The following PLS1 variants were observed in gnomAD, a reference collection of about 807,000 sequenced individuals.
The protein encoded by PLS1 is plastin 1.
PLS1 carries 32 observed loss-of-function variants against 73.7 expected under a neutral mutation model. The ratio of observed to expected loss-of-function variants is 0.43; its 90% CI spans 0.33 to 0.58. The LOEUF is 0.58. Among genes scored for constraint, PLS1 ranks in the 20% least tolerant of loss-of-function variants. PLS1 has a pLI of 0.04. For synonymous variants in PLS1, 217 were observed against 261.3 expected (o/e 0.83, Z 1.63); for missense variants, 633 against 740.5 (o/e 0.85, Z 1.68).
At position 142,624,139 on chromosome 3, in the gene PLS1, T is replaced by C. The variant is rs557910514; in HGVS notation, c.-37+27630T>C. Reference sequence around the variant, plus strand: ...TACTAGGAATGTGTAAGATTCTGTTTAAGCATCTGGAGTCTGAAGAAAATA... The same window carrying C: ...TACTAGGAATGTGTAAGATTCTGTTCAAGCATCTGGAGTCTGAAGAAAATA... On this transcript the variant is annotated intron_variant, in intron 1 of 15. Coordinates refer to ENST00000457734, the MANE Select transcript of PLS1 (RefSeq NM_001145319.2). Among the ~76,000 whole-genome samples the C allele has an allele frequency of 1.1e-4, 16 of 152,348 alleles. No homozygotes were observed. In the East Asian group the frequency reaches 2.9e-3, roughly 28 times the overall value.
rs571706294 is a variant in PLS1 at position 142,676,606 on chromosome 3, G to A, written c.497+317G>A. On this transcript the variant is annotated intron_variant, in intron 5 of 15. Transcript: ENST00000457734. ...TTTCTCTTTTCTTTTTCCAGTAAGC[G>A]AGTATTGATTATTGACTGGAATGGG... is the stretch of plus-strand genomic sequence containing the variant. Among the ~76,000 whole-genome samples the A allele has an allele frequency of 7.2e-5, 11 of 152,230 alleles. No homozygotes were observed. In the South Asian group the frequency reaches 2.3e-3, roughly 32 times the overall value.
intron 1 of PLS1, among the ~76,000 whole-genome samples, chr3:142,613,037 A>T (rs1327833703): frequency 6.6e-6 from 1 of 151,352 alleles, no homozygotes; most frequent in Non-Finnish European, 1.5e-5. Context: ...AAGTGCTGGG[A>T]TTACAGGCGT....
chr3:142,603,922 G>A (rs1436653479), intron 1 of PLS1, among the ~76,000 whole-genome samples: 1 of 152,106 alleles, frequency 6.6e-6, no homozygotes, highest in Non-Finnish European at 1.5e-5. Flanking sequence ...TAAGGTAGAA[G>A]GTGTCTGAGG....
chr3:142,698,846 T>C (rs142989627), intron 12 of PLS1, among the ~76,000 whole-genome samples: 1 of 151,996 alleles, frequency 6.6e-6, no homozygotes, highest in African/African-American at 2.4e-5. Context: ...GATGAAAAAA[T>C]CAGAAAGACA....
intron 11 of PLS1, among the ~76,000 whole-genome samples, chr3:142,696,633 G>C (rs1344600287): frequency 6.6e-6 from 1 of 151,398 alleles, no homozygotes; most frequent in Non-Finnish European, 1.5e-5. Context: ...ATTAGTCCTA[G>C]AGTTTTTCTA....
In PLS1 at chr3:142,608,807, G is replaced by C. The variant is rs1050683184; in HGVS notation, c.-37+12298G>C. Among the ~76,000 whole-genome samples, 4 of 152,192 alleles carry C rather than the reference G, an allele frequency of 2.6e-5. No individual in the cohort carries two copies. The East Asian group carries it at 5.8e-4, about 22-fold the overall frequency. On this transcript the variant is annotated intron_variant, in intron 1 of 15. Transcript: ENST00000457734. ...TTGACTGCTAACAAAGGGAAACTAA[G>C]CCAGCTTTGCCTGGGGCACTAATTC...
At position 142,671,089 on chromosome 3, in the gene PLS1, A is replaced by G. The variant is rs1410249333; in HGVS notation, c.331A>G (p.Ile111Val). 6.2e-7 allele frequency: 1 copy of G among 1,611,520 alleles called. No homozygotes were observed. The highest frequency in any genetic ancestry group is 1.1e-5 in the South Asian group (1 of 90,774). Residue 111 changes from isoleucine (I) to valine (V), a missense_variant, in exon 4 of 16, where the codon ATT (isoleucine) becomes GTT (valine). By Grantham distance (29) the Ile-to-Val change is conservative. Coordinates refer to ENST00000457734, the MANE Select transcript of PLS1 (RefSeq NM_001145319.2). ...TACTGCTATTGGAGGAACTTCAACTATTTCCAGTGAGGGCACACAGCATTC... is the reference window on the plus strand; with the variant it reads ...TACTGCTATTGGAGGAACTTCAACTGTTTCCAGTGAGGGCACACAGCATTC... ...GITAIGGTST[I>V]SSEGTQHSYS... is the part of the protein sequence containing the mutation.
chr3:142,667,400 C>T lies in PLS1; in HGVS notation c.71-1990C>T, dbSNP rs149390441. ...ACTGCACTCCAGCCTGGCGACATAG[C>T]GAGACTCCGACTCAAAAAAAGAATT... On this transcript the variant is annotated intron_variant, in intron 2 of 15. Coordinates refer to ENST00000457734, the MANE Select transcript of PLS1 (RefSeq NM_001145319.2). Among the ~76,000 whole-genome samples, 49 of 152,066 alleles carry T rather than the reference C, an allele frequency of 3.2e-4. No individual in the cohort carries two copies. The East Asian group carries it at 6.4e-3, about 20-fold the overall frequency.
At chr3:142,597,836 T>C (rs549635914) in intron 1 of PLS1, among the ~76,000 whole-genome samples, 26 of 152,362 alleles carry the variant, frequency 1.7e-4, no homozygotes, top group African/African-American at 6.3e-4. Context: ...CTTCTACTTA[T>C]ACCATGAAGT....
At position 142,664,205 on chromosome 3, in the gene PLS1, T is replaced by G. The variant is rs1295005338; in HGVS notation, c.-33T>G. The G allele has an allele frequency of 8.9e-6, 11 of 1,237,700 alleles. No homozygotes were observed. Among genetic ancestry groups the G allele is most frequent in the African/African-American group, 1.5e-5 (1 of 65,880 alleles). The allele number at this position is 1,237,700 out of a possible 1,614,324, so 76.7% of individuals were successfully genotyped here. A position where few individuals can be genotyped will look rare whatever the true frequency, so the allele number is the denominator to read the frequency against. On this transcript the variant is annotated 5_prime_UTR_variant, in exon 2 of 16. Coordinates refer to ENST00000457734, the MANE Select transcript of PLS1 (RefSeq NM_001145319.2). ...TTTATAATATTGCTTTTTCTAGATATAAAGACCTGAAGATAGTCTTTTCTG... is the reference window on the plus strand; with the variant it reads ...TTTATAATATTGCTTTTTCTAGATAGAAAGACCTGAAGATAGTCTTTTCTG...
chr3:142,634,864 A>C (rs984713924), intron 1 of PLS1, among the ~76,000 whole-genome samples: 3 of 152,108 alleles, frequency 2.0e-5, no homozygotes, highest in Non-Finnish European at 2.9e-5. Context: ...TTAAATAAAA[A>C]TAATAAAACA....
chr3:142,710,167 C>CT (rs201238880), intron 14 of PLS1, among the ~76,000 whole-genome samples: 2,579 of 131,582 alleles, frequency 0.02, 69 homozygotes, highest in African/African-American at 0.061. Context: ...ATTCAGGACT[C>CT]TTTTTTTTTT....
chr3:142,647,666 C>A (rs1311544954), intron 1 of PLS1, among the ~76,000 whole-genome samples: 1 of 151,994 alleles, frequency 6.6e-6, no homozygotes, highest in Non-Finnish European at 1.5e-5. Context: ...CCATACCCGG[C>A]TAATTTTTTG....
At chr3:142,605,377 G>A (rs1160926294) in intron 1 of PLS1, among the ~76,000 whole-genome samples, 2 of 152,146 alleles carry the variant, frequency 1.3e-5, no homozygotes, top group Non-Finnish European at 2.9e-5. Context: ...AAATGTCAGG[G>A]TTAATTTTTT....
chr3:142,641,175 T>TATATTA (rs200527473), intron 1 of PLS1, among the ~76,000 whole-genome samples: 2 of 143,344 alleles, frequency 1.4e-5, no homozygotes, highest in African/African-American at 5.1e-5. Flanking sequence ...TATATATATA[T>TATATTA]TATATATATA....
chr3:142,636,727 A>C (rs2108600904), intron 1 of PLS1, among the ~76,000 whole-genome samples: 1 of 152,366 alleles, frequency 6.6e-6, no homozygotes, highest in African/African-American at 2.4e-5. Flanking sequence ...CAACTCACTA[A>C]GAAAACAAAA....
At chr3:142,648,225 G>A (rs1031756528) in intron 1 of PLS1, among the ~76,000 whole-genome samples, 15 of 147,724 alleles carry the variant, frequency 1.0e-4, no homozygotes, top group Non-Finnish European at 1.6e-4. Flanking sequence ...GGTAAAGAAC[G>A]GCTGTGAGAG....
intron 9 of PLS1, among the ~76,000 whole-genome samples, chr3:142,688,810 T>C (rs1395220745): frequency 6.6e-6 from 1 of 152,192 alleles, no homozygotes; most frequent in Non-Finnish European, 1.5e-5. Flanking sequence ...TGTTTATAGG[T>C]ATTTGGGTTG....
intron 1 of PLS1, among the ~76,000 whole-genome samples, chr3:142,650,147 C>G (rs1396741539): frequency 6.6e-6 from 1 of 151,908 alleles, no homozygotes; most frequent in Non-Finnish European, 1.5e-5. Context: ...TTCATGACTA[C>G]CCTGCCAGAA....
Sources: allele counts gnomAD v4.1 joint callset (sites outside exome capture counted in the v4.1 genomes callset), GRCh38; gene constraint gnomAD v4.1.1; transcripts MANE v1.5; gene names NCBI Gene and HGNC (gene_info 2026-07-23, HGNC 2026-07-21).